The following ACVR1 variants were observed in gnomAD, a reference collection of about 807,000 sequenced individuals.
ACVR1 encodes the protein activin receptor type-1.
ACVR1 carries 38 observed loss-of-function variants against 57.1 expected under a neutral mutation model. That is an observed-to-expected ratio of 0.67 (90% confidence interval 0.51 to 0.87). The LOEUF (loss-of-function observed/expected upper bound fraction) is 0.87, where lower values mean the gene tolerates loss of function less well. Ranked by LOEUF, ACVR1 falls within the 40% of genes least tolerant of loss-of-function variation. The pLI is 0.00. For missense variants in ACVR1, 463 were observed against 638.2 expected, an observed-to-expected ratio of 0.73 and a Z score of 2.96; for synonymous variants, 212 against 228.1, an observed-to-expected ratio of 0.93 and a Z score of 0.63.
intron 7 of ACVR1, among the ~76,000 whole-genome samples, chr2:157,770,167 T>C (rs571827702): frequency 6.6e-6 from 1 of 152,326 alleles, no homozygotes; most frequent in Admixed American, 6.5e-5. Context: ...CTTTTCATCA[T>C]CCAGAGAGTC....
chr2:157,754,065 T>C lies in ACVR1; in HGVS notation c.1264+6815A>G, dbSNP rs116443450. 5.6e-3 allele frequency among the ~76,000 whole-genome samples: 855 copies of C among 152,286 alleles called. 7 individuals are homozygous for C. Among genetic ancestry groups the C allele is most frequent in the African/African-American group, 0.02 (815 of 41,554 alleles). On this transcript the variant is annotated intron_variant, in intron 9 of 10. Coordinates refer to ENST00000434821, the MANE Select transcript of ACVR1 (RefSeq NM_001111067.4). The stretch of plus-strand genomic sequence containing the variant: ...TTAAACATTTCTTTGAACTGAATGA[T>C]AATAGTGACACAACCTAACAAAACC...
chr2:157,817,842 T>C (rs1461422296), intron 2 of ACVR1, among the ~76,000 whole-genome samples: 2 of 151,440 alleles, frequency 1.3e-5, no homozygotes, highest in African/African-American at 4.9e-5. Context: ...CTACTAATAA[T>C]ACAAAAAAAA....
intron 3 of ACVR1, among the ~76,000 whole-genome samples, chr2:157,782,112 G>T (rs186907265): frequency 2.0e-5 from 3 of 152,304 alleles, no homozygotes; most frequent in African/African-American, 7.2e-5. Context: ...ATTTGTGTGG[G>T]TGTGTGTAGA....
intron 9 of ACVR1, among the ~76,000 whole-genome samples, chr2:157,747,546 T>C (rs1159737592): frequency 1.3e-5 from 2 of 152,092 alleles, no homozygotes; most frequent in Non-Finnish European, 2.9e-5. Context: ...CGGAATTATA[T>C]CTATATATGA....
At chr2:157,799,394 T>C (rs1313711480) in intron 3 of ACVR1, 33 bp downstream of exon 3, 1 of 1,539,388 alleles carries the variant, frequency 6.5e-7, no homozygotes, top group African/African-American at 1.4e-5. Context: ...CACAGTATAC[T>C]TATCTTAACC....
At chr2:157,874,339 A>C (rs969514733) in intron 1 of ACVR1, among the ~76,000 whole-genome samples, 4 of 152,384 alleles carry the variant, frequency 2.6e-5, no homozygotes, top group Non-Finnish European at 5.9e-5. Flanking sequence ...CCATCCAGGC[A>C]TAAGATAACC....
chr2:157,793,951 A>G (rs1274012818), intron 3 of ACVR1, among the ~76,000 whole-genome samples: 1 of 152,188 alleles, frequency 6.6e-6, no homozygotes, highest in East Asian at 1.9e-4. Context: ...ATAATTTAGT[A>G]CCTAGCAGTC....
chr2:157,848,465 C>G (rs1465205717), intron 1 of ACVR1, among the ~76,000 whole-genome samples: 5 of 152,188 alleles, frequency 3.3e-5, no homozygotes, highest in Non-Finnish European at 2.9e-5. Flanking sequence ...AGTGAATGAG[C>G]CTTTGGATGA....
intron 8 of ACVR1, among the ~76,000 whole-genome samples, chr2:157,764,170 T>C (rs962441495): frequency 6.6e-6 from 1 of 152,008 alleles, no homozygotes; most frequent in Non-Finnish European, 1.5e-5. Context: ...ACATGAGTAA[T>C]ATATGATCAC....
At chr2:157,804,898 T>G (rs1487433775) in intron 2 of ACVR1, among the ~76,000 whole-genome samples, 1 of 152,230 alleles carries the variant, frequency 6.6e-6, no homozygotes, top group Non-Finnish European at 1.5e-5. Context: ...GTTAAGAAGC[T>G]AGCGCTTAGC....
chr2:157,772,590 G>A (rs1440171958), intron 6 of ACVR1, among the ~76,000 whole-genome samples: 1 of 152,172 alleles, frequency 6.6e-6, no homozygotes, highest in Non-Finnish European at 1.5e-5. Flanking sequence ...TTTGGACTCT[G>A]GAGCCAATCT....
rs552997164 is a variant in ACVR1 at position 157,857,533 on chromosome 2, T to C, written c.-183+18263A>G. Among the ~76,000 whole-genome samples the C allele has an allele frequency of 1.5e-3, 227 of 152,324 alleles. 1 individual carries two copies. Among genetic ancestry groups the C allele is most frequent in the South Asian group, 6.0e-3 (29 of 4,828 alleles). On this transcript the variant is annotated intron_variant, in intron 1 of 10. Transcript: ENST00000434821. ...CATCATCAGCAGGTCCTCCTTAATA[T>C]ATTTAAACCTCAAAGGCTTTTTTCT... is the stretch of plus-strand genomic sequence containing the variant.
chr2:157,850,277 C>T (rs1689250703), intron 1 of ACVR1, among the ~76,000 whole-genome samples: 1 of 151,872 alleles, frequency 6.6e-6, no homozygotes, highest in Admixed American at 6.6e-5. Flanking sequence ...GTAGTCCAAA[C>T]TACTCGGGAG....
At chr2:157,802,050 T>C (rs1280613383) in intron 2 of ACVR1, among the ~76,000 whole-genome samples, 1 of 151,794 alleles carries the variant, frequency 6.6e-6, no homozygotes, top group Non-Finnish European at 1.5e-5. Context: ...TGAATAAGAG[T>C]TGGGAAGAAA....
rs564072145 is a variant in ACVR1, at chr2:157,876,303, T to TGCGGCGGCG, written c.-699_-691dup. On this transcript the variant is annotated 5_prime_UTR_variant, in exon 1 of 11. Transcript: ENST00000434821. ...GTTCCCCCTGCGCCGAGGGGGAGGCTGCGGCGGCGGCGGCGGCTGCAAAGA... is the reference window on the plus strand; with the variant it reads ...GTTCCCCCTGCGCCGAGGGGGAGGCTGCGGCGGCGGCGGCGGCGGCGGCGGCTGCAAAGA... Among the ~76,000 whole-genome samples the TGCGGCGGCG allele has an allele frequency of 9.0e-5, 12 of 132,930 alleles. 1 individual carries two copies. Among genetic ancestry groups the TGCGGCGGCG allele is most frequent in the African/African-American group, 3.1e-4 (11 of 35,330 alleles). The allele number at this position is 132,930 out of a possible 152,430, so 87.2% of individuals were successfully genotyped here.
intron 2 of ACVR1, among the ~76,000 whole-genome samples, chr2:157,815,189 CAT>C (rs1451820724): frequency 6.6e-6 from 1 of 152,048 alleles, no homozygotes; most frequent in Non-Finnish European, 1.5e-5. Context: ...ATACTGTTAC[CAT>C]GTGTGTAAAA....
chr2:157,861,073 T>C (rs1689701021), intron 1 of ACVR1, among the ~76,000 whole-genome samples: 1 of 152,176 alleles, frequency 6.6e-6, no homozygotes, highest in South Asian at 2.1e-4. Flanking sequence ...CCTGACAACA[T>C]CCTACTTAAC....
intron 3 of ACVR1, among the ~76,000 whole-genome samples, chr2:157,796,543 C>G (rs141419359): frequency 9.9e-5 from 15 of 152,012 alleles, no homozygotes; most frequent in African/African-American, 3.6e-4. Flanking sequence ...GAAAGAGACC[C>G]CGTTTCAAAC....
intron 1 of ACVR1, among the ~76,000 whole-genome samples, chr2:157,855,268 AAGTGT>A (rs1295373388): frequency 2.8e-5 from 3 of 107,148 alleles, no homozygotes; most frequent in African/African-American, 4.1e-5. Context: ...AAAAAAAAAA[AAGTGT>A]GTGTGTGTGT....
Sources: allele counts gnomAD v4.1 joint callset (sites outside exome capture counted in the v4.1 genomes callset), GRCh38; gene constraint gnomAD v4.1.1; transcripts MANE v1.5; gene names NCBI Gene and HGNC (gene_info 2026-07-23, HGNC 2026-07-21).